DOCK2: variants seen among roughly 807,000 people sequenced by gnomAD.
The protein encoded by DOCK2 is dedicator of cytokinesis 2.
In DOCK2, 87 loss-of-function variants were observed where a neutral mutation model predicts 248.9. That is an observed-to-expected ratio of 0.35 (90% CI 0.29 to 0.42). DOCK2 has a LOEUF of 0.42. DOCK2 is among the 10% of genes least tolerant of loss of function. The pLI, the probability that DOCK2 is intolerant of heterozygous loss-of-function variation, is 1.00. For missense variants in DOCK2, 1,747 were observed against 2,300.2 expected (o/e 0.76, Z 4.92); for synonymous variants, 805 against 821.6 (o/e 0.98, Z 0.35).
chr5:169,685,515 G>A (rs1190447177), intron 8 of DOCK2, among the ~76,000 whole-genome samples: 6 of 152,108 alleles, frequency 3.9e-5, no homozygotes, highest in African/African-American at 1.4e-4. Flanking sequence ...GCGCCACCAC[G>A]CCCGGCTAAT....
rs1479985889 is a variant in DOCK2, at chr5:169,708,287, G to A, written c.1482+20G>A. The A allele has an allele frequency of 4.4e-6, 7 of 1,603,644 alleles. No homozygotes were observed. In the South Asian group the frequency reaches 7.8e-5, roughly 18 times the overall value. ...GTCAAGGTAATAATTAATAATAGCA[G>A]CAAACACATGTCTAGTTCTTACCAT... On this transcript the variant is annotated intron_variant, in intron 15 of 51. Coordinates refer to ENST00000520908, the MANE Select transcript of DOCK2 (RefSeq NM_004946.3).
At chr5:169,849,211 G>A (rs190188894) in intron 27 of DOCK2, among the ~76,000 whole-genome samples, 3 of 152,326 alleles carry the variant, frequency 2.0e-5, no homozygotes, top group Non-Finnish European at 2.9e-5. Flanking sequence ...CACCCTGTAT[G>A]CTAGGCAAAT....
At chr5:169,840,175 G>A (rs750118578) in intron 26 of DOCK2, among the ~76,000 whole-genome samples, 3 of 152,184 alleles carry the variant, frequency 2.0e-5, no homozygotes, top group Non-Finnish European at 4.4e-5. Context: ...ACGGTAGAAG[G>A]CAAGGCACGA....
At chr5:169,658,980 CATTATTATTATTATTATTATTATT>C (rs200506411) in intron 2 of DOCK2, among the ~76,000 whole-genome samples, 9,663 of 136,248 alleles carry the variant, frequency 0.071, 365 homozygotes, top group African/African-American at 0.086. Context: ...TACAAGACTG[CATTATTATTATTATTATTATTATT>C]ATTATTATTA....
chr5:169,824,182 A>G (rs1768682633), intron 26 of DOCK2, among the ~76,000 whole-genome samples: 1 of 152,146 alleles, frequency 6.6e-6, no homozygotes, highest in African/African-American at 2.4e-5. Context: ...ATATCGTGAA[A>G]ATGGCCATAC....
chr5:169,716,222 G>A lies in DOCK2; in HGVS notation c.1951G>A (p.Asp651Asn), dbSNP rs2113546908. 1 of 1,613,552 alleles carries A rather than the reference G, an allele frequency of 6.2e-7. No individual in the cohort carries two copies. Among genetic ancestry groups the A allele is most frequent in the East Asian group, 2.2e-5 (1 of 44,848 alleles). Residue 651 changes from aspartate (D) to asparagine (N), a missense_variant, in exon 20 of 52, where the codon GAT (aspartate) becomes AAT (asparagine). Coordinates refer to ENST00000520908, the MANE Select transcript of DOCK2 (RefSeq NM_004946.3). ...TTGTTATTTCTTCCAGTTTCTCCAG[G>A]ATACTCTGGATGCCCTCTTCAACAT... ...DGEEVVKFLQ[D>N]TLDALFNIMM...
Position 169,835,693 on chromosome 5 carries a change from G to T in DOCK2, c.2704-5064G>T, listed in dbSNP as rs376872748. Among the ~76,000 whole-genome samples the T allele has an allele frequency of 3.3e-5, 5 of 152,124 alleles. No homozygotes were observed. The East Asian group carries it at 9.6e-4, about 29-fold the overall frequency. On this transcript the variant is annotated intron_variant, in intron 26 of 51. Transcript: ENST00000520908. ...ATAACAATTACAACAGCTTAAAGAG[G>T]TACAAAAGTTCCTCTGGCAAGGGGA...
chr5:169,867,330 A>T (rs564693494), intron 27 of DOCK2, among the ~76,000 whole-genome samples: 3 of 152,300 alleles, frequency 2.0e-5, no homozygotes, highest in African/African-American at 7.2e-5. Context: ...CCTGAGGCCT[A>T]ACTCACCCAA....
chr5:170,056,731 T>C lies in DOCK2; in HGVS notation c.4343T>C (p.Val1448Ala), dbSNP rs1363382445. The C allele has an allele frequency of 6.2e-7, 1 of 1,614,036 alleles. No homozygotes were observed. Among genetic ancestry groups the C allele is most frequent in the East Asian group, 2.2e-5 (1 of 44,876 alleles). The part of the protein sequence containing the change: ...YVQRFHYSRP[V>A]RRGTVDPENE... ...CAAAGGTTCCACTACTCCCGGCCCG[T>C]GCGCAGGGGGACCGTAGACCCAGAG... The change falls in exon 43 of 52, where the codon GTG becomes GCG. Residue 1448 changes from valine (V) to alanine (A), a missense_variant. Transcript: ENST00000520908.
At position 169,705,426 on chromosome 5, in the gene DOCK2, A is replaced by G. The variant is rs180696474; in HGVS notation, c.1384-2743A>G. Among the ~76,000 whole-genome samples the G allele has an allele frequency of 3.4e-3, 510 of 152,224 alleles. 1 individual carries two copies. The highest frequency in any genetic ancestry group is 6.0e-3 in the Non-Finnish European group (409 of 67,992). On this transcript the variant is annotated intron_variant, in intron 14 of 51. Transcript: ENST00000520908. ...AGGCAGGGGATAGGGGAAGTATGGG[A>G]TAGTGGTTAAGACCATGACCCCTGG...
chr5:169,661,063 A>AT, intron 2 of DOCK2, among the ~76,000 whole-genome samples: 1 of 152,298 alleles, frequency 6.6e-6, no homozygotes, highest in African/African-American at 2.4e-5. Context: ...ATTTTAATTG[A>AT]TTTTTTTAGA....
rs79412618 is a variant in DOCK2 at position 169,795,897 on chromosome 5, T to C, written c.2555-7161T>C. On this transcript the variant is annotated intron_variant, in intron 25 of 51. Coordinates refer to ENST00000520908, the MANE Select transcript of DOCK2 (RefSeq NM_004946.3). ...TATAGCATCCCCCGCCCCTTCCCCA[T>C]TGCCAGTCCTCCGAGAGAGTTGAGC... Among the ~76,000 whole-genome samples, 149 of 152,334 alleles carry C rather than the reference T, an allele frequency of 9.8e-4. 1 individual carries two copies. In the East Asian group the frequency reaches 0.02, roughly 20 times the overall value.
chr5:169,943,623 C>T (rs547302557), intron 27 of DOCK2, among the ~76,000 whole-genome samples: 47 of 152,294 alleles, frequency 3.1e-4, no homozygotes, highest in African/African-American at 1.1e-3. Flanking sequence ...ATTAATTTAT[C>T]TGCCTGGCCT....
chr5:170,034,578 A>T, intron 35 of DOCK2, 23 bp downstream of exon 35: 1 of 1,613,344 alleles, frequency 6.2e-7, no homozygotes, highest in Non-Finnish European at 8.5e-7. Context: ...GGCGGGTCCA[A>T]GTCAGACCAG....
intron 29 of DOCK2, among the ~76,000 whole-genome samples, chr5:169,988,657 C>T (rs1393055277): frequency 2.0e-5 from 3 of 152,124 alleles, no homozygotes; most frequent in African/African-American, 4.8e-5. Flanking sequence ...GGATTACAGG[C>T]ATGCACCACT....
chr5:170,015,608 A>G (rs375964628), intron 32 of DOCK2, among the ~76,000 whole-genome samples: 1 of 151,782 alleles, frequency 6.6e-6, no homozygotes, highest in East Asian at 1.9e-4. Flanking sequence ...GCTCAGCTTT[A>G]TTTCAAAGTC....
intron 27 of DOCK2, among the ~76,000 whole-genome samples, chr5:169,906,880 C>T (rs951734763): frequency 7.2e-5 from 11 of 152,190 alleles, no homozygotes; most frequent in Admixed American, 5.2e-4. Context: ...TGGAAATGTG[C>T]ATGAGGCTGG....
chr5:169,669,165 C>A, intron 2 of DOCK2, 123 bp from the exon 3 acceptor site: 2 of 1,168,090 alleles, frequency 1.7e-6, no homozygotes, highest in Non-Finnish European at 2.5e-6. Context: ...TTGATCTGTA[C>A]CCAAGGTCTA....
chr5:169,654,550 A>C, intron 2 of DOCK2, 64 bp downstream of exon 2: 1 of 1,566,898 alleles, frequency 6.4e-7, no homozygotes, highest in East Asian at 2.2e-5. Flanking sequence ...TAGTACACCC[A>C]GGCCCCTCAG....
Sources: gnomAD v4.1 joint callset for allele counts (sites outside exome capture counted in the v4.1 genomes callset) on GRCh38, gnomAD v4.1.1 for gene constraint, MANE v1.5 for transcripts, NCBI Gene and HGNC (gene_info 2026-07-23, HGNC 2026-07-21) for gene names.